Variants in NCF2 observed in about 807,000 individuals in gnomAD.
The protein encoded by NCF2 is neutrophil cytosolic factor 2, also known as neutrophil cytosol factor 2.
In NCF2, 45 loss-of-function variants were observed where a neutral mutation model predicts 70.9. The ratio of observed to expected loss-of-function variants is 0.63; its 90% CI spans 0.50 to 0.81. The LOEUF is 0.81. NCF2 is among the 40% of genes least tolerant of loss of function. The pLI, the probability that NCF2 is intolerant of heterozygous loss-of-function variation, is 0.00. For synonymous variants in NCF2, 203 were observed against 233.6 expected (o/e 0.87, Z 1.19); for missense variants, 522 against 631.6 (o/e 0.83, Z 1.86).
At chr1:183,565,676 C>G in intron 10 of NCF2, 28 bp downstream of exon 10, 1 of 1,608,138 alleles carries the variant, frequency 6.2e-7, no homozygotes. Context: ...TGCACCCAGA[C>G]CTAGGCTGTG....
chr1:183,565,883 A>G, intron 9 of NCF2, 104 bp from the exon 10 acceptor site: 1 of 1,124,284 alleles, frequency 8.9e-7, no homozygotes, highest in South Asian at 1.3e-5. Flanking sequence ...AAGGAGCCAC[A>G]TGCAGATAAC....
At position 183,555,718 on chromosome 1, in the gene NCF2, T is replaced by TGAA; in HGVS notation, c.*399_*400insTTC. 4.7e-6 allele frequency: 1 copy of TGAA among 211,888 alleles called. No individual in the cohort carries two copies. The highest frequency in any genetic ancestry group is 8.0e-5 in the South Asian group (1 of 12,426). The allele number at this position is 211,888 out of a possible 1,614,324, so 13.1% of individuals were successfully genotyped here. On this transcript the variant is annotated 3_prime_UTR_variant, in exon 15 of 15. Coordinates refer to ENST00000367535, the MANE Select transcript of NCF2 (RefSeq NM_000433.4). ...ACTTGGGTGTCTTGTTTTTGTAAGA[T>TGAA]GCTAGGTTTTTTTTTATTGTGGTAT...
At chr1:183,593,022 T>C (rs1673715430), upstream of NCF2, among the ~76,000 whole-genome samples, 1 of 152,174 alleles carries the variant, frequency 6.6e-6, no homozygotes, top group Admixed American at 6.5e-5. Flanking sequence ...AAATCAGTCC[T>C]GCCTGAAAGC....
intron 3 of NCF2, among the ~76,000 whole-genome samples, chr1:183,575,772 C>A (rs771528312): frequency 3.3e-5 from 5 of 152,196 alleles, no homozygotes; most frequent in Non-Finnish European, 7.3e-5. Context: ...TAGCGAAGAA[C>A]TGAGGCCTCC....
intron 3 of NCF2, among the ~76,000 whole-genome samples, chr1:183,575,253 T>A (rs747384636): frequency 1.6e-4 from 24 of 152,222 alleles, no homozygotes; most frequent in Non-Finnish European, 3.1e-4. Flanking sequence ...GTGAATCACT[T>A]GAGGTCAGGA....
intron 11 of NCF2, 171 bp from the exon 12 acceptor site, chr1:183,563,756 C>T (rs1004750790): frequency 1.2e-6 from 1 of 866,220 alleles, no homozygotes; most frequent in Non-Finnish European, 1.8e-6. Context: ...GTCCTTTAGC[C>T]CAACCCTTGC....
At chr1:183,558,280 T>G (rs1455280034) in intron 14 of NCF2, among the ~76,000 whole-genome samples, 1 of 151,984 alleles carries the variant, frequency 6.6e-6, no homozygotes, top group East Asian at 1.9e-4. Context: ...TTTTTGTTTT[T>G]TTTTTGAGAC....
the NCF2 span, among the ~76,000 whole-genome samples, chr1:183,599,448 T>TTCTTTCTTTCTTTCTTTC: frequency 1.3e-4 from 15 of 114,474 alleles, no homozygotes; most frequent in African/African-American, 4.4e-4. Context: ...CTTTCTTTCT[T>TTCTTTCTTTCTTTCTTTC]TCTTTCTTTC....
At chr1:183,590,493 G>T (rs1673596033), upstream of NCF2, 1 of 745,842 alleles carries the variant, frequency 1.3e-6, no homozygotes, top group East Asian at 2.7e-5. Context: ...ACTTCTCAGT[G>T]TTGCAAATGC....
At chr1:183,579,179 G>A (rs1183973243) in intron 2 of NCF2, among the ~76,000 whole-genome samples, 2 of 152,212 alleles carry the variant, frequency 1.3e-5, no homozygotes, top group Admixed American at 6.5e-5. Context: ...AGATCCAACA[G>A]CTCTGCCACT....
At chr1:183,593,780 G>A (rs1410404218), upstream of NCF2, among the ~76,000 whole-genome samples, 1 of 152,202 alleles carries the variant, frequency 6.6e-6, no homozygotes, top group Non-Finnish European at 1.5e-5. Flanking sequence ...TTAGTAGACG[G>A]TCTGTTCAGC....
At chr1:183,573,119 C>A in intron 5 of NCF2, 66 bp downstream of exon 5, 1 of 1,446,316 alleles carries the variant, frequency 6.9e-7, no homozygotes, top group Non-Finnish European at 9.7e-7. Flanking sequence ...TCAAGAGTCC[C>A]TCCCACCTTG....
intron 2 of NCF2, among the ~76,000 whole-genome samples, chr1:183,583,173 G>A (rs768054621): frequency 3.3e-5 from 5 of 152,070 alleles, no homozygotes; most frequent in East Asian, 3.9e-4. Flanking sequence ...CTGCCTCAGC[G>A]TCCCAAGTAG....
At chr1:183,594,568 T>C (rs1341737881), upstream of NCF2, among the ~76,000 whole-genome samples, 1 of 152,246 alleles carries the variant, frequency 6.6e-6, no homozygotes, top group African/African-American at 2.4e-5. Context: ...CACTGGATTC[T>C]CGGTACCTAG....
At chr1:183,574,925 A>G (rs961796224) in intron 3 of NCF2, among the ~76,000 whole-genome samples, 1 of 152,240 alleles carries the variant, frequency 6.6e-6, no homozygotes, top group Non-Finnish European at 1.5e-5. Context: ...AGGTTAAAAA[A>G]AAGAAGAAGA....
chr1:183,590,824 C>A (rs577738410), upstream of NCF2: 96 of 179,526 alleles, frequency 5.3e-4, no homozygotes, highest in African/African-American at 2.1e-3. Flanking sequence ...GGGGCAGGTC[C>A]CTGGTGAAAC....
Position 183,556,115 on chromosome 1 carries a change from A to G in NCF2, c.*3T>C. On this transcript the variant is annotated 3_prime_UTR_variant, in exon 15 of 15. Coordinates refer to ENST00000367535, the MANE Select transcript of NCF2 (RefSeq NM_000433.4). ...TCTTCAGCTTTGTAGTTTGTGAAAC[A>G]TCCTAGACTTCTCTCCGAGTGCTTT... 6.2e-7 allele frequency: 1 copy of G among 1,612,856 alleles called. No individual in the cohort carries two copies. Among genetic ancestry groups the G allele is most frequent in the Non-Finnish European group, 8.5e-7 (1 of 1,178,792 alleles).
chr1:183,561,292 T>C (rs1672035987), intron 13 of NCF2, among the ~76,000 whole-genome samples: 2 of 152,338 alleles, frequency 1.3e-5, no homozygotes, highest in South Asian at 4.1e-4. Flanking sequence ...TAATGTTGTT[T>C]GTTGAACGTT....
Position 183,563,262 on chromosome 1 carries a change from T to C in NCF2, c.1223A>G (p.Asp408Gly), listed in dbSNP as rs765806399. 1 of 1,614,168 alleles carries C rather than the reference T, an allele frequency of 6.2e-7. No individual in the cohort carries two copies. Among genetic ancestry groups the C allele is most frequent in the Non-Finnish European group, 8.5e-7 (1 of 1,180,028 alleles). Residue 408 changes from aspartate to glycine, a missense_variant, in exon 13 of 15, where the codon GAC becomes GGC. Physicochemically the swap from Asp to Gly is moderately conservative, Grantham distance 94. Transcript: ENST00000367535. ...DSNELVPLSE[D>G]SMKDAWGQVK... ...CTGGCCCCAGGCATCCTTCATGCTG[T>C]CTTCTGAAAGGGGCACCAGCTCATT... is the stretch of plus-strand genomic sequence containing the variant.
Sources: gnomAD v4.1 joint callset for allele counts (sites outside exome capture counted in the v4.1 genomes callset) on GRCh38, gnomAD v4.1.1 for gene constraint, MANE v1.5 for transcripts, NCBI Gene and HGNC (gene_info 2026-07-23, HGNC 2026-07-21) for gene names.